Variants in MALRD1 observed in about 807,000 individuals in gnomAD.
The protein encoded by MALRD1 is MAM and LDL-receptor class A domain-containing protein 1.
A neutral mutation model predicts 242.1 loss-of-function variants in MALRD1; 247 were observed. The ratio of observed to expected loss-of-function variants is 1.02; its 90% CI spans 0.92 to 1.13. The LOEUF (loss-of-function observed/expected upper bound fraction) is 1.13, where lower values mean the gene tolerates loss of function less well. Ranked by LOEUF, MALRD1 falls within the 50% of genes most tolerant of loss-of-function variation. The pLI is 0.00. For missense variants in MALRD1, 2,989 were observed against 2,533.1 expected, an observed-to-expected ratio of 1.18 and a Z score of -3.86; for synonymous variants, 995 against 866.6, an observed-to-expected ratio of 1.15 and a Z score of -2.60.
intron 18 of MALRD1, among the ~76,000 whole-genome samples, chr10:19,251,379 G>A (rs1839285414): frequency 6.6e-6 from 1 of 151,932 alleles, no homozygotes; most frequent in South Asian, 2.1e-4. Flanking sequence ...TTTCTCTGGA[G>A]GGGAGAATGG....
intron 31 of MALRD1, among the ~76,000 whole-genome samples, chr10:19,524,373 A>T (rs1298176100): frequency 6.6e-6 from 1 of 152,088 alleles, no homozygotes; most frequent in Non-Finnish European, 1.5e-5. Flanking sequence ...GCTACTTGGG[A>T]GGCTGAGGCA....
chr10:19,389,413 G>C, intron 27 of MALRD1, 39 bp from the exon 28 acceptor site: 1 of 1,539,698 alleles, frequency 6.5e-7, no homozygotes, highest in Non-Finnish European at 8.8e-7. Context: ...TCCCATCATT[G>C]TTATTTCGTT....
chr10:19,731,768 A>C (rs1025927131), intron 39 of MALRD1, among the ~76,000 whole-genome samples: 4 of 152,192 alleles, frequency 2.6e-5, no homozygotes, highest in Non-Finnish European at 4.4e-5. Flanking sequence ...GTTTTATTAC[A>C]TCTGAGTTTA....
intron 14 of MALRD1, among the ~76,000 whole-genome samples, chr10:19,192,651 A>G (rs2131588243): frequency 6.6e-6 from 1 of 152,302 alleles, no homozygotes; most frequent in African/African-American, 2.4e-5. Context: ...TGAGACCCTA[A>G]GCAGACAGCC....
chr10:19,323,488 C>T (rs931022695), intron 21 of MALRD1, among the ~76,000 whole-genome samples: 1 of 152,118 alleles, frequency 6.6e-6, no homozygotes, highest in Admixed American at 6.5e-5. Context: ...ATCAAAGTGG[C>T]AGAAGTATTA....
intron 33 of MALRD1, among the ~76,000 whole-genome samples, chr10:19,583,726 A>C (rs879737215): frequency 5.9e-5 from 9 of 151,872 alleles, no homozygotes; most frequent in Non-Finnish European, 1.0e-4. Context: ...TATCAGGATG[A>C]TGCTGGCCTC....
At chr10:19,367,936 A>G (rs1031728152) in intron 26 of MALRD1, among the ~76,000 whole-genome samples, 5 of 151,904 alleles carry the variant, frequency 3.3e-5, no homozygotes, top group Non-Finnish European at 7.4e-5. Context: ...TCATTTGCCT[A>G]TTTTTAAATT....
chr10:19,538,994 A>C (rs1834809054), intron 32 of MALRD1, among the ~76,000 whole-genome samples: 3 of 152,178 alleles, frequency 2.0e-5, no homozygotes, highest in Non-Finnish European at 4.4e-5. Flanking sequence ...TATATGCTCC[A>C]GTTCAGAAAA....
chr10:19,310,414 G>C (rs1842379601), intron 21 of MALRD1, among the ~76,000 whole-genome samples: 1 of 151,500 alleles, frequency 6.6e-6, no homozygotes, highest in Non-Finnish European at 1.5e-5. Flanking sequence ...AGGCAATACA[G>C]TATGATGATT....
chr10:19,336,197 G>A (rs1843605083), intron 24 of MALRD1, among the ~76,000 whole-genome samples: 1 of 152,148 alleles, frequency 6.6e-6, no homozygotes, highest in Non-Finnish European at 1.5e-5. Context: ...AGTGATTTGT[G>A]TATCTAGGAA....
At chr10:19,620,903 C>CT (rs1839371441) in intron 36 of MALRD1, among the ~76,000 whole-genome samples, 1 of 151,400 alleles carries the variant, frequency 6.6e-6, no homozygotes, top group South Asian at 2.1e-4. Flanking sequence ...GGGGGATTTT[C>CT]TATGTGTGCA....
chr10:19,416,196 T>C (rs906858837), intron 28 of MALRD1, among the ~76,000 whole-genome samples: 8 of 152,194 alleles, frequency 5.3e-5, no homozygotes, highest in African/African-American at 1.9e-4. Context: ...AGCAAGGTAG[T>C]GGTTGTGCCA....
intron 18 of MALRD1, among the ~76,000 whole-genome samples, chr10:19,238,506 A>ATACATTATATATAATG (rs1838566184): frequency 2.7e-5 from 1 of 36,972 alleles, no homozygotes; most frequent in Non-Finnish European, 4.6e-5. Flanking sequence ...ATAATATAAT[A>ATACATTATATATAATG]TATAATGTAT....
At chr10:19,583,478 T>A (rs1837232567) in intron 33 of MALRD1, among the ~76,000 whole-genome samples, 1 of 150,452 alleles carries the variant, frequency 6.6e-6, no homozygotes, top group Non-Finnish European at 1.5e-5. Context: ...TCTATTGAGA[T>A]AATCATGTGG....
At chr10:19,211,370 C>T (rs1837056386) in intron 18 of MALRD1, among the ~76,000 whole-genome samples, 1 of 151,840 alleles carries the variant, frequency 6.6e-6, no homozygotes, top group African/African-American at 2.4e-5. Flanking sequence ...AATCAGAGAT[C>T]CTCCATGCTG....
chr10:19,680,106 T>C (rs1842307430), intron 36 of MALRD1, among the ~76,000 whole-genome samples: 1 of 152,198 alleles, frequency 6.6e-6, no homozygotes, highest in Admixed American at 6.6e-5. Flanking sequence ...AAGAAGAATG[T>C]ATATTCTTTT....
At chr10:19,698,731 T>C (rs533438274) in intron 38 of MALRD1, among the ~76,000 whole-genome samples, 1 of 151,930 alleles carries the variant, frequency 6.6e-6, no homozygotes, top group South Asian at 2.1e-4. Flanking sequence ...TGCATCAGAG[T>C]AGAGAGTAAA....
At chr10:19,539,897 T>TGCGCGC (rs1323112743) in intron 32 of MALRD1, among the ~76,000 whole-genome samples, 13 of 44,428 alleles carry the variant, frequency 2.9e-4, no homozygotes, top group East Asian at 1.6e-3. Flanking sequence ...TGTGTGTGTG[T>TGCGCGC]GCGCGCGCGC....
At chr10:19,523,164 A>C (rs1042876462) in intron 31 of MALRD1, among the ~76,000 whole-genome samples, 2 of 152,182 alleles carry the variant, frequency 1.3e-5, no homozygotes, top group African/African-American at 4.8e-5. Context: ...TAGAGAATTT[A>C]AGTAGGTTGC....
Sources: allele counts gnomAD v4.1 joint callset (sites outside exome capture counted in the v4.1 genomes callset), GRCh38; gene constraint gnomAD v4.1.1; transcripts MANE v1.5; gene names NCBI Gene and HGNC (gene_info 2026-07-23, HGNC 2026-07-21).